Variants in PKP4 observed in about 807,000 individuals in gnomAD.
PKP4 encodes plakophilin-4.
A neutral mutation model predicts 145.1 loss-of-function variants in PKP4; 90 were observed. The ratio of observed to expected loss-of-function variants is 0.62; its 90% CI spans 0.52 to 0.74. PKP4 has a LOEUF of 0.74. Among genes scored for constraint, PKP4 ranks in the 30% least tolerant of loss-of-function variants. PKP4 has a pLI of 0.00. For synonymous variants in PKP4, 563 were observed against 577.2 expected (o/e 0.98, Z 0.35); for missense variants, 1,340 against 1,482.7 (o/e 0.90, Z 1.58).
At chr2:158,574,829 A>G (rs1330348402) in intron 2 of PKP4, among the ~76,000 whole-genome samples, 1 of 152,328 alleles carries the variant, frequency 6.6e-6, no homozygotes, top group East Asian at 1.9e-4. Flanking sequence ...CAGTAGGGAT[A>G]TAATGTGGAC....
At chr2:158,640,354 C>T (rs2054170370) in intron 9 of PKP4, among the ~76,000 whole-genome samples, 2 of 152,182 alleles carry the variant, frequency 1.3e-5, no homozygotes, top group South Asian at 2.1e-4. Flanking sequence ...AGGAGGAACA[C>T]GAGAGTGGAA....
At chr2:158,474,622 A>G (rs866847110) in intron 1 of PKP4, among the ~76,000 whole-genome samples, 29 of 152,272 alleles carry the variant, frequency 1.9e-4, no homozygotes, top group African/African-American at 4.1e-4. Flanking sequence ...CCCATTTGCA[A>G]TGGTTTTTCA....
chr2:158,633,039 G>T (rs2053512994), intron 8 of PKP4, among the ~76,000 whole-genome samples: 1 of 152,170 alleles, frequency 6.6e-6, no homozygotes, highest in South Asian at 2.1e-4. Flanking sequence ...TAATTTAGGG[G>T]AGTAGCTGTA....
chr2:158,579,672 A>G (rs1385337144), intron 3 of PKP4, among the ~76,000 whole-genome samples: 1 of 152,166 alleles, frequency 6.6e-6, no homozygotes. Flanking sequence ...GGAAATGGAA[A>G]ATAAACTGTT....
At chr2:158,525,846 C>CT (rs1372315583) in intron 1 of PKP4, among the ~76,000 whole-genome samples, 1 of 148,108 alleles carries the variant, frequency 6.8e-6, no homozygotes, top group Non-Finnish European at 1.5e-5. Context: ...TCAGAGAATA[C>CT]TACAAACACC....
chr2:158,587,128 A>G (rs562822587), intron 3 of PKP4, among the ~76,000 whole-genome samples: 1 of 152,308 alleles, frequency 6.6e-6, no homozygotes, highest in South Asian at 2.1e-4. Flanking sequence ...GAACCACAAA[A>G]AAGATCAGGT....
At chr2:158,604,324 G>A (rs1028369076) in intron 4 of PKP4, among the ~76,000 whole-genome samples, 3 of 152,180 alleles carry the variant, frequency 2.0e-5, no homozygotes, top group Non-Finnish European at 4.4e-5. Flanking sequence ...GCAAAGTCTA[G>A]AAGGCTGAAT....
At chr2:158,537,174 A>G (rs944857290) in intron 2 of PKP4, among the ~76,000 whole-genome samples, 2 of 152,200 alleles carry the variant, frequency 1.3e-5, no homozygotes, top group African/African-American at 2.4e-5. Context: ...GCACCTAGAA[A>G]ACTTGTCACT....
At chr2:158,601,456 A>G (rs1204238170) in intron 3 of PKP4, among the ~76,000 whole-genome samples, 1 of 152,230 alleles carries the variant, frequency 6.6e-6, no homozygotes, top group African/African-American at 2.4e-5. Context: ...TAACAAAAAC[A>G]GATTGAGGAG....
intron 1 of PKP4, among the ~76,000 whole-genome samples, chr2:158,513,403 G>A (rs1252060477): frequency 1.3e-5 from 2 of 152,116 alleles, no homozygotes; most frequent in African/African-American, 2.4e-5. Context: ...TCTTCCTAGT[G>A]TCCTTAAGTA....
intron 20 of PKP4, 161 bp downstream of exon 20, chr2:158,677,028 T>C: frequency 1.2e-6 from 1 of 803,516 alleles, no homozygotes; most frequent in Non-Finnish European, 2.1e-6. Context: ...ATTGTTGCCT[T>C]TTCTGCTTGT....
At chr2:158,548,955 G>T in intron 2 of PKP4, 1 of 172,254 alleles carries the variant, frequency 5.8e-6, no homozygotes. Flanking sequence ...GTCCTAAAAT[G>T]GGGGTCCTTG....
In PKP4 at chr2:158,676,777, A is replaced by C; in HGVS notation, c.3166A>C (p.Arg1056=). Residue 1056 remains arginine, a synonymous_variant, in exon 20 of 22, where the codon AGA becomes CGA. Coordinates refer to ENST00000389759, the MANE Select transcript of PKP4 (RefSeq NM_003628.6). ...TSSSPALLGI[R]DPRSEYDRTQ... Reference sequence around the variant, plus strand: ...TTCCTCACCAGCACTGTTAGGAATCAGAGACCCTCGCTCTGAATACGATAG... The same window carrying C: ...TTCCTCACCAGCACTGTTAGGAATCCGAGACCCTCGCTCTGAATACGATAG... 1 of 1,614,162 alleles carries C rather than the reference A, an allele frequency of 6.2e-7. No homozygotes were observed. Among genetic ancestry groups the C allele is most frequent in the Non-Finnish European group, 8.5e-7 (1 of 1,180,016 alleles).
At chr2:158,527,167 C>T (rs1243303303) in intron 1 of PKP4, among the ~76,000 whole-genome samples, 2 of 113,746 alleles carry the variant, frequency 1.8e-5, no homozygotes, top group Non-Finnish European at 3.5e-5. Flanking sequence ...AAAAAGAGCC[C>T]GCATCGCCAA....
intron 1 of PKP4, among the ~76,000 whole-genome samples, chr2:158,477,512 C>T (rs573185717): frequency 1.3e-5 from 2 of 152,118 alleles, no homozygotes; most frequent in Non-Finnish European, 2.9e-5. Flanking sequence ...GCTCCTGTAC[C>T]GTTGAGTTAG....
intron 1 of PKP4, 135 bp from the exon 2 acceptor site, chr2:158,533,045 T>G: frequency 2.5e-6 from 2 of 786,358 alleles, no homozygotes; most frequent in South Asian, 4.8e-5. Context: ...TTTAGAAAAT[T>G]TAGCAATTTC....
At chr2:158,498,721 C>T (rs1559227521) in intron 1 of PKP4, among the ~76,000 whole-genome samples, 1 of 152,014 alleles carries the variant, frequency 6.6e-6, no homozygotes, top group South Asian at 2.1e-4. Flanking sequence ...GTTCTAGAAC[C>T]TTGACTCCTC....
At chr2:158,639,321 G>GTGTGT (rs1553468374) in intron 9 of PKP4, among the ~76,000 whole-genome samples, 8,109 of 137,730 alleles carry the variant, frequency 0.059, 318 homozygotes, top group Admixed American at 0.13. Context: ...ACGCATGAGG[G>GTGTGT]GTGTGTGTGT....
chr2:158,599,384 T>TAC (rs1006206197), intron 3 of PKP4, among the ~76,000 whole-genome samples: 1 of 152,202 alleles, frequency 6.6e-6, no homozygotes, highest in African/African-American at 2.4e-5. Context: ...CCACCTGCCA[T>TAC]ACCCTCATGG....
Sources: allele counts gnomAD v4.1 joint callset (sites outside exome capture counted in the v4.1 genomes callset), GRCh38; gene constraint gnomAD v4.1.1; transcripts MANE v1.5; gene names NCBI Gene and HGNC (gene_info 2026-07-23, HGNC 2026-07-21).